The following PLCXD1 variants were observed in gnomAD, a reference collection of about 807,000 sequenced individuals.
PLCXD1 encodes the protein PI-PLC X domain-containing protein 1.
Under a neutral mutation model 37.8 loss-of-function variants are expected in PLCXD1, and 45 were observed. That is an observed-to-expected ratio of 1.19 (90% CI 0.94 to 1.53). The LOEUF (loss-of-function observed/expected upper bound fraction) is 1.53. Among genes scored for constraint, PLCXD1 ranks in the 40% most tolerant of loss-of-function variants. PLCXD1 has a pLI of 0.00. For synonymous variants in PLCXD1, 246 were observed against 206.9 expected (o/e 1.19, Z -1.62); for missense variants, 539 against 454.7 (o/e 1.19, Z -1.69).
At chrX:289,374 A>T (rs1331113759) in intron 3 of PLCXD1, among the ~76,000 whole-genome samples, 1 of 151,964 alleles carries the variant, frequency 6.6e-6, no homozygotes, top group Non-Finnish European at 1.5e-5. Context: ...GGCGTGAGCC[A>T]CCGCGCCCGG....
At chrX:290,385 G>T (rs1396497657) in intron 3 of PLCXD1, among the ~76,000 whole-genome samples, 1 of 149,000 alleles carries the variant, frequency 6.7e-6, no homozygotes, top group African/African-American at 2.5e-5. Flanking sequence ...AGCCCAGATT[G>T]CACCACTGCA....
At chrX:295,584 G>A (rs1027189069) in intron 6 of PLCXD1, among the ~76,000 whole-genome samples, 1 of 151,702 alleles carries the variant, frequency 6.6e-6, no homozygotes, top group Admixed American at 6.6e-5. Context: ...GAGTGCAGTG[G>A]CGCGATCTCG....
Position 290,648 on chromosome X carries a change from G to A in PLCXD1, c.265G>A (p.Ala89Thr), listed in dbSNP as rs1424333632. The change falls in exon 4 of 7, where the codon GCA becomes ACA. Residue 89 changes from alanine to threonine, a missense_variant and splice_region_variant. By Grantham distance (58) the Ala-to-Thr change is moderately conservative (BLOSUM62 0). Transcript: ENST00000381657. Reference sequence around the variant, plus strand: ...ACATGACAGCAGCCTCTGTCCACAGGCACTGGACGTCACAGAGCAGCTGGA... The same window carrying A: ...ACATGACAGCAGCCTCTGTCCACAGACACTGGACGTCACAGAGCAGCTGGA... Reference protein sequence around the residue: ...PVVLKWSVTQALDVTEQLDAG... With the variant: ...PVVLKWSVTQTLDVTEQLDAG... The A allele has an allele frequency of 2.5e-6, 4 of 1,613,520 alleles. No homozygotes were observed. The African/African-American group carries it at 5.3e-5, about 22-fold the overall frequency.
At chrX:292,979 C>T in intron 5 of PLCXD1, 56 bp from the exon 6 acceptor site, 1 of 1,255,406 alleles carries the variant, frequency 8.0e-7, no homozygotes, top group Admixed American at 2.2e-5. Context: ...TCCGCTCTCC[C>T]AGGTGCCCCC....
chrX:282,945 TTATATA>T (rs58691987), intron 1 of PLCXD1, among the ~76,000 whole-genome samples: 1 of 105,450 alleles, frequency 9.5e-6, no homozygotes, highest in Non-Finnish European at 2.1e-5. Flanking sequence ...TATATATATA[TTATATA>T]TATATTATAT....
rs779171481 is a variant in PLCXD1, at chrX:299,682, G to A, written c.*347G>A. On this transcript the variant is annotated 3_prime_UTR_variant, in exon 7 of 7. Transcript: ENST00000381657. ...TCAGGCAGGAGAACTGCTTGAAGCC[G>A]GGAGATGGAGGTTGCATTGAGCTGA... The A allele has an allele frequency of 3.2e-5, 13 of 402,384 alleles. No homozygotes were observed. The highest frequency in any genetic ancestry group is 7.2e-4 in the Middle Eastern group (1 of 1,392). 24.9% of individuals were successfully genotyped at this position (402,384 alleles called of 1,614,324 possible). A position where few individuals can be genotyped will look rare whatever the true frequency, so the allele number is the denominator to read the frequency against.
chrX:282,744 C>T lies in PLCXD1; in HGVS notation c.-22+1060C>T, dbSNP rs186479192. Among the ~76,000 whole-genome samples the T allele has an allele frequency of 5.1e-3, 755 of 149,000 alleles. 9 individuals are homozygous for T. The highest frequency in any genetic ancestry group is 0.018 in the African/African-American group (718 of 40,672). On this transcript the variant is annotated intron_variant, in intron 1 of 6. Coordinates refer to ENST00000381657, the MANE Select transcript of PLCXD1 (RefSeq NM_018390.4). ...AGACCAACCAAAAAAGTTATATACA[C>T]TTCAGAGGCAGAGAAAGAATTTACA...
chrX:292,406 C>T (rs1843612814), intron 5 of PLCXD1, among the ~76,000 whole-genome samples: 1 of 151,900 alleles, frequency 6.6e-6, no homozygotes. Context: ...TTGCAGTGAG[C>T]CGAGATCGCG....
chrX:293,631 C>G (rs907236054), intron 6 of PLCXD1, among the ~76,000 whole-genome samples: 16 of 152,298 alleles, frequency 1.1e-4, no homozygotes, highest in African/African-American at 3.9e-4. Flanking sequence ...AGTCCATGTA[C>G]ATTGGCGGGG....
intron 4 of PLCXD1, 69 bp from the exon 5 acceptor site, chrX:291,430 G>GC: frequency 6.4e-7 from 1 of 1,564,344 alleles, no homozygotes; most frequent in Admixed American, 1.7e-5. Flanking sequence ...ACAGGCGTGA[G>GC]CCGCCACACC....
At chrX:281,302 G>C (rs1178390309), upstream of PLCXD1, 1 of 166,514 alleles carries the variant, frequency 6.0e-6, no homozygotes, top group Non-Finnish European at 1.3e-5. Flanking sequence ...GACATCCCCC[G>C]GGCTGATAAA....
At position 293,213 on chromosome X, in the gene PLCXD1, G is replaced by A. The variant is rs778878421; in HGVS notation, c.728G>A (p.Arg243His). ...RYLETMKSCG[R>H]PGGLFVAGIN... ...CTGGAGACCATGAAGAGCTGCGGCC[G>A]CCCAGGTACCAGGTCGCCCCTCGTG... The change falls in exon 6 of 7, where the codon CGC (arginine) becomes CAC (histidine). Residue 243 changes from arginine (R) to histidine (H), a missense_variant. Physicochemically the swap from Arg to His is conservative, Grantham distance 29 (BLOSUM62 0). Coordinates refer to ENST00000381657, the MANE Select transcript of PLCXD1 (RefSeq NM_018390.4). The A allele has an allele frequency of 2.5e-5, 41 of 1,608,214 alleles. No homozygotes were observed. Among genetic ancestry groups the A allele is most frequent in the South Asian group, 2.0e-4 (18 of 90,910 alleles).
In PLCXD1 at chrX:293,041, C is replaced by G. The variant is rs1445778219; in HGVS notation, c.556C>G (p.Pro186Ala). Residue 186 changes from proline (P) to alanine (A), a missense_variant, in exon 6 of 7, where the codon CCG (proline) becomes GCG (alanine). Pro to Ala is a conservative substitution (Grantham distance 27, BLOSUM62 -1). Coordinates refer to ENST00000381657, the MANE Select transcript of PLCXD1 (RefSeq NM_018390.4). ...TAACTCTGGTCCTTTGCAGGAGGTG[C>G]CGACACTGCGGCAGCTGTGGTCCCG... ...GDMLCPRGEV[P>A]TLRQLWSRGQ... is the part of the protein sequence containing the mutation. 2 of 1,606,004 alleles carry G rather than the reference C, an allele frequency of 1.2e-6. No individual in the cohort carries two copies. Among genetic ancestry groups the G allele is most frequent in the Non-Finnish European group, 1.7e-6 (2 of 1,175,666 alleles).
intron 6 of PLCXD1, among the ~76,000 whole-genome samples, chrX:294,504 C>G (rs969891289): frequency 8.7e-5 from 13 of 148,918 alleles, no homozygotes; most frequent in Non-Finnish European, 1.9e-4. Context: ...AAAATAGGCA[C>G]CTGTAATCCC....
At chrX:283,917 T>A (rs1024261618) in intron 1 of PLCXD1, 58 of 359,660 alleles carry the variant, frequency 1.6e-4, no homozygotes, top group African/African-American at 9.8e-4. Context: ...GTTTCACTCT[T>A]GTTGCCCAGC....
At chrX:296,800 A>T (rs2069823409) in intron 6 of PLCXD1, among the ~76,000 whole-genome samples, 1 of 152,110 alleles carries the variant, frequency 6.6e-6, no homozygotes, top group Admixed American at 6.5e-5. Flanking sequence ...TGGGATTAGG[A>T]CGTGGACATC....
chrX:285,335 CACATGCACACGTGT>C (rs1214368792), intron 2 of PLCXD1, among the ~76,000 whole-genome samples: 1 of 150,050 alleles, frequency 6.7e-6, no homozygotes, highest in Non-Finnish European at 1.5e-5. Flanking sequence ...TGTACACATG[CACATGCACACGTGT>C]ACACATGTAC....
At position 290,782 on chromosome X, in the gene PLCXD1, G is replaced by T. The variant is rs748500907; in HGVS notation, c.393+6G>T. 7.8e-5 allele frequency: 125 copies of T among 1,612,180 alleles called. No individual in the cohort carries two copies. The East Asian group carries it at 2.4e-3, about 31-fold the overall frequency. ...ACACAACGGCGCTGGTGGAGGTGCG[G>T]CCGGGCTGAGGTGGGACGCAATGGG... is the stretch of plus-strand genomic sequence containing the variant. On this transcript the variant is annotated splice_donor_region_variant and intron_variant, in intron 4 of 6. Transcript: ENST00000381657.
At chrX:291,205 G>C (rs1458570934) in intron 4 of PLCXD1, among the ~76,000 whole-genome samples, 25 of 151,652 alleles carry the variant, frequency 1.6e-4, no homozygotes, top group Admixed American at 3.3e-4. Flanking sequence ...GAGTGCAGTG[G>C]TGCAATCTCA....
Sources: allele counts gnomAD v4.1 joint callset (sites outside exome capture counted in the v4.1 genomes callset), GRCh38; gene constraint gnomAD v4.1.1; transcripts MANE v1.5; gene names NCBI Gene and HGNC (gene_info 2026-07-23, HGNC 2026-07-21).